BCL7A: variants seen among roughly 807,000 people sequenced by gnomAD.
BCL7A encodes B-cell CLL/lymphoma 7 protein family member A.
BCL7A carries 11 observed loss-of-function variants against 28.4 expected under a neutral mutation model. The observed-to-expected ratio is 0.39, with a 90% CI of 0.24 to 0.64. The LOEUF is 0.64. Ranked by LOEUF, BCL7A falls within the 30% of genes least tolerant of loss-of-function variation. BCL7A has a pLI of 0.50. For missense variants in BCL7A, 222 were observed against 274.8 expected (o/e 0.81, Z 1.36); for synonymous variants, 123 against 103.3 (o/e 1.19, Z -1.15).
At chr12:122,047,367 C>T (rs1884098206) in intron 4 of BCL7A, among the ~76,000 whole-genome samples, 1 of 151,370 alleles carries the variant, frequency 6.6e-6, no homozygotes, top group African/African-American at 2.4e-5. Context: ...ACTAAAAATA[C>T]AAAAAAATTA....
chr12:122,034,707 A>T (rs1169638232), intron 2 of BCL7A, among the ~76,000 whole-genome samples: 1 of 150,462 alleles, frequency 6.6e-6, no homozygotes, highest in Non-Finnish European at 1.5e-5. Flanking sequence ...ACGCCACTGC[A>T]CTCTAGCCTG....
At chr12:122,035,011 A>G (rs1052713067) in intron 2 of BCL7A, among the ~76,000 whole-genome samples, 2 of 152,180 alleles carry the variant, frequency 1.3e-5, no homozygotes, top group African/African-American at 4.8e-5. Flanking sequence ...AAGAGGAGGC[A>G]GGTCCTGCCA....
At chr12:122,022,815 C>G (rs1272917460) in intron 1 of BCL7A, among the ~76,000 whole-genome samples, 1 of 151,756 alleles carries the variant, frequency 6.6e-6, no homozygotes, top group Non-Finnish European at 1.5e-5. Flanking sequence ...GGGCTCTCGG[C>G]GACCAGGAAA....
chr12:122,051,457 A>G (rs562082278), intron 4 of BCL7A, among the ~76,000 whole-genome samples: 1 of 152,288 alleles, frequency 6.6e-6, no homozygotes, highest in South Asian at 2.1e-4. Flanking sequence ...CCTGGACTAA[A>G]TTTAGGTCCC....
chr12:122,046,816 G>A (rs1424395128), intron 4 of BCL7A, among the ~76,000 whole-genome samples: 1 of 152,024 alleles, frequency 6.6e-6, no homozygotes, highest in Non-Finnish European at 1.5e-5. Context: ...CTAAACCAAG[G>A]CCAAAGGGCG....
intron 3 of BCL7A, among the ~76,000 whole-genome samples, chr12:122,037,759 C>G (rs1421151113): frequency 6.6e-6 from 1 of 151,946 alleles, no homozygotes; most frequent in Non-Finnish European, 1.5e-5. Context: ...CTAGCCTGAC[C>G]AACATGGAGA....
chr12:122,023,002 G>C (rs563376826), intron 1 of BCL7A, among the ~76,000 whole-genome samples: 1 of 152,180 alleles, frequency 6.6e-6, no homozygotes, highest in Admixed American at 6.5e-5. Flanking sequence ...TTTTGCGGAG[G>C]GAGCTGTTGT....
intron 1 of BCL7A, among the ~76,000 whole-genome samples, chr12:122,030,005 TC>T (rs1390671731): frequency 6.6e-6 from 1 of 152,160 alleles, no homozygotes; most frequent in East Asian, 1.9e-4. Context: ...GGGTCTGGAC[TC>T]CGTCCTTCAG....
At chr12:122,041,315 GC>G (rs1400114408) in intron 3 of BCL7A, among the ~76,000 whole-genome samples, 2 of 152,166 alleles carry the variant, frequency 1.3e-5, no homozygotes, top group Non-Finnish European at 2.9e-5. Context: ...AAATGCTTCT[GC>G]CCAGTGCCTG....
rs1193265760 is a variant in BCL7A at position 122,029,403 on chromosome 12, G to A, written c.93-1297G>A. Among the ~76,000 whole-genome samples, 1 of 152,162 alleles carries A rather than the reference G, an allele frequency of 6.6e-6. No individual in the cohort carries two copies. The highest frequency in any genetic ancestry group is 2.4e-5 in the African/African-American group (1 of 41,424). On this transcript the variant is annotated intron_variant, in intron 1 of 5. Transcript: ENST00000261822. This position sits in a 1 kb window ranked among gnomAD's most constrained non-coding sequence, Gnocchi z 4.3. ...GGGAGTCCTGTAACCTGTCACACCA[G>A]CATGTGAGGGCCACATGCCCCACGA...
intron 1 of BCL7A, among the ~76,000 whole-genome samples, chr12:122,026,700 C>T (rs1883636608): frequency 6.6e-6 from 1 of 152,168 alleles, no homozygotes; most frequent in Non-Finnish European, 1.5e-5. Context: ...CAGCCATGGG[C>T]CAGGCCTCTT....
intron 3 of BCL7A, among the ~76,000 whole-genome samples, chr12:122,041,116 T>G (rs555820646): frequency 6.6e-6 from 1 of 152,154 alleles, no homozygotes; most frequent in Admixed American, 6.5e-5. Context: ...GTTACCCGTG[T>G]GGGGCCGCCT....
intron 2 of BCL7A, among the ~76,000 whole-genome samples, chr12:122,033,582 G>A (rs1883786365): frequency 6.6e-6 from 1 of 152,206 alleles, no homozygotes; most frequent in African/African-American, 2.4e-5. Flanking sequence ...AAAGTGCTGG[G>A]ATTACCGGCG....
intron 4 of BCL7A, among the ~76,000 whole-genome samples, chr12:122,049,099 T>C (rs1276025191): frequency 6.9e-6 from 1 of 144,964 alleles, no homozygotes; most frequent in Non-Finnish European, 1.5e-5. Flanking sequence ...TATAGGCATG[T>C]GCCTGTAGTC....
chr12:122,030,356 C>T (rs1360154579), intron 1 of BCL7A, among the ~76,000 whole-genome samples: 1 of 152,232 alleles, frequency 6.6e-6, no homozygotes, highest in East Asian at 1.9e-4. Context: ...CCCAGACAGG[C>T]GCGGGTGGCC....
chr12:122,042,255 CT>C (rs1460419092), intron 3 of BCL7A, among the ~76,000 whole-genome samples: 1 of 152,236 alleles, frequency 6.6e-6, no homozygotes, highest in Non-Finnish European at 1.5e-5. Flanking sequence ...TACGATCCCC[CT>C]GTACACTCCA....
At chr12:122,024,841 T>A (rs2135836835) in intron 1 of BCL7A, among the ~76,000 whole-genome samples, 1 of 152,304 alleles carries the variant, frequency 6.6e-6, no homozygotes, top group African/African-American at 2.4e-5. Context: ...CCCTGTATTT[T>A]ACCCAGAGGG....
chr12:122,034,854 G>A (rs969660948), intron 2 of BCL7A, among the ~76,000 whole-genome samples: 6 of 152,058 alleles, frequency 3.9e-5, no homozygotes, highest in Non-Finnish European at 8.8e-5. Context: ...CTCCTCTTGC[G>A]CTTTTGTGCT....
In BCL7A at chr12:122,046,442, G is replaced by A. The variant is rs934528907; in HGVS notation, c.439+2389G>A. Among the ~76,000 whole-genome samples, 8 of 152,184 alleles carry A rather than the reference G, an allele frequency of 5.3e-5. 1 individual carries two copies. The highest frequency in any genetic ancestry group is 1.7e-4 in the African/African-American group (7 of 41,458). ...TCTAGGAGAAAGGCTGTCCCCTGCT[G>A]CAGAGCTGATCCGCACCCCTGTGCA... On this transcript the variant is annotated intron_variant, in intron 4 of 5. Coordinates refer to ENST00000261822, the MANE Select transcript of BCL7A (RefSeq NM_001024808.3).
Sources: gnomAD v4.1 joint callset for allele counts (sites outside exome capture counted in the v4.1 genomes callset) on GRCh38, gnomAD v4.1.1 for gene constraint, Gnocchi (gnomAD v3.1) non-coding constraint, MANE v1.5 for transcripts, NCBI Gene and HGNC (gene_info 2026-07-23, HGNC 2026-07-21) for gene names.